The following KIAA1217 variants were observed in gnomAD, a reference collection of about 807,000 sequenced individuals.
KIAA1217 encodes the protein KIAA1217.
In KIAA1217, 88 loss-of-function variants were observed where a neutral mutation model predicts 163.9. That is an observed-to-expected ratio of 0.54 (90% CI 0.45 to 0.64). KIAA1217 has a LOEUF of 0.64. KIAA1217 is among the 30% of genes least tolerant of loss of function. The pLI is 0.00. For synonymous variants in KIAA1217, 903 were observed against 923.1 expected (o/e 0.98, Z 0.39); for missense variants, 2,372 against 2,475.0 (o/e 0.96, Z 0.88).
intron 2 of KIAA1217, among the ~76,000 whole-genome samples, chr10:24,308,003 T>G (rs1260939749): frequency 6.6e-6 from 1 of 152,182 alleles, no homozygotes; most frequent in South Asian, 2.1e-4. Context: ...TGGAGCCACA[T>G]TGAATGAACT....
intron 1 of KIAA1217, among the ~76,000 whole-genome samples, chr10:23,851,460 C>G (rs1317119341): frequency 2.0e-5 from 3 of 152,110 alleles, no homozygotes; most frequent in Admixed American, 6.5e-5. Flanking sequence ...GTGAATAGTG[C>G]CACAATAAAC....
At chr10:23,853,915 A>G (rs1170646627) in intron 1 of KIAA1217, among the ~76,000 whole-genome samples, 1 of 151,284 alleles carries the variant, frequency 6.6e-6, no homozygotes, top group Non-Finnish European at 1.5e-5. Flanking sequence ...TTTCTTCTTT[A>G]TTAGTCTTGC....
intron 2 of KIAA1217, among the ~76,000 whole-genome samples, chr10:24,355,876 C>G (rs1434166342): frequency 1.3e-4 from 20 of 150,594 alleles, no homozygotes; most frequent in Admixed American, 1.3e-3. Flanking sequence ...AGCCTCCCCA[C>G]TAGCTGGGAC....
At position 23,893,828 on chromosome 10, in the gene KIAA1217, GT is replaced by G. The variant is rs1426879851; in HGVS notation, c.-320-113395del. On this transcript the variant is annotated intron_variant, in intron 1 of 18. Transcript: ENST00000376462. ...GCTTCATCCCTGGGATGCAAGGCTG[GT>G]TCAATATACGCAAATCAATAAATGT... Among the ~76,000 whole-genome samples, 14 of 152,164 alleles carry G rather than the reference GT, an allele frequency of 9.2e-5. No homozygotes were observed. The East Asian group carries it at 2.5e-3, about 27-fold the overall frequency.
chr10:24,404,582 A>C (rs867304835), intron 3 of KIAA1217, among the ~76,000 whole-genome samples: 4 of 150,066 alleles, frequency 2.7e-5, no homozygotes, highest in Non-Finnish European at 4.4e-5. Flanking sequence ...AAAAAAAAAA[A>C]AAAAAAAAAA....
chr10:24,017,272 C>A (rs2131504152), intron 2 of KIAA1217, among the ~76,000 whole-genome samples: 1 of 152,130 alleles, frequency 6.6e-6, no homozygotes, highest in Non-Finnish European at 1.5e-5. Context: ...GTTGCCCAGG[C>A]TGGTCTGGAA....
chr10:23,929,330 T>A (rs917349533), intron 1 of KIAA1217, among the ~76,000 whole-genome samples: 14 of 152,296 alleles, frequency 9.2e-5, no homozygotes, highest in African/African-American at 2.6e-4. Context: ...TATTTTTTTT[T>A]ATTTTAGACT....
At chr10:23,754,059 T>C (rs1833790289) in intron 1 of KIAA1217, among the ~76,000 whole-genome samples, 1 of 152,202 alleles carries the variant, frequency 6.6e-6, no homozygotes, top group African/African-American at 2.4e-5. Context: ...CTGTACGCTA[T>C]TTAATGACTG....
At position 23,704,172 on chromosome 10, in the gene KIAA1217, G is replaced by GTGTGTGTATATA. The variant is rs1229370789; in HGVS notation, c.-321+8939_-321+8940insGTGTGTATATAT. Reference sequence around the variant, plus strand: ...TGTGTGTGTGTGTGTGTGTGTGTGTGTATATATATATATATATATATATAT... The same window carrying GTGTGTGTATATA: ...TGTGTGTGTGTGTGTGTGTGTGTGTGTGTGTGTATATATATATATATATATATATATATATAT... On this transcript the variant is annotated intron_variant, in intron 1 of 18. Coordinates refer to the KIAA1217 transcript ENST00000376462. Among the ~76,000 whole-genome samples, 245 of 39,880 alleles carry GTGTGTGTATATA rather than the reference G, an allele frequency of 6.1e-3. 4 individuals carry two copies. The highest frequency in any genetic ancestry group is 0.011 in the African/African-American group (81 of 7,434). 26.2% of individuals were successfully genotyped at this position (39,880 alleles called of 152,430 possible).
chr10:24,041,806 G>T (rs1402688548), intron 2 of KIAA1217, among the ~76,000 whole-genome samples: 2 of 152,112 alleles, frequency 1.3e-5, no homozygotes, highest in Non-Finnish European at 2.9e-5. Flanking sequence ...AACTGAACGT[G>T]GTATGCACTT....
intron 1 of KIAA1217, among the ~76,000 whole-genome samples, chr10:23,709,548 A>T (rs1332103153): frequency 6.6e-6 from 1 of 151,956 alleles, no homozygotes; most frequent in Admixed American, 6.6e-5. Flanking sequence ...AAAAAAAAAA[A>T]TAAAGAAATA....
chr10:24,097,683 G>A (rs1278968806), intron 2 of KIAA1217, among the ~76,000 whole-genome samples: 1 of 152,198 alleles, frequency 6.6e-6, no homozygotes, highest in East Asian at 1.9e-4. Flanking sequence ...AAATTGTCAC[G>A]GTGATGGAGA....
At chr10:23,915,518 T>C (rs1842601276) in intron 1 of KIAA1217, among the ~76,000 whole-genome samples, 1 of 152,166 alleles carries the variant, frequency 6.6e-6, no homozygotes, top group African/African-American at 2.4e-5. Flanking sequence ...GTTCACAGTA[T>C]TCTACCAACA....
At chr10:23,725,671 C>T (rs1234366309) in intron 1 of KIAA1217, among the ~76,000 whole-genome samples, 2 of 152,162 alleles carry the variant, frequency 1.3e-5, no homozygotes, top group Non-Finnish European at 2.9e-5. Context: ...CTACTGATGA[C>T]AGTGAATTCT....
chr10:23,706,785 A>G (rs1205145882), intron 1 of KIAA1217, among the ~76,000 whole-genome samples: 1 of 152,138 alleles, frequency 6.6e-6, no homozygotes, highest in Non-Finnish European at 1.5e-5. Context: ...CATTCTTAAC[A>G]CTGCTGTTCA....
intron 2 of KIAA1217, chr10:24,368,942 C>T: frequency 2.5e-6 from 2 of 795,666 alleles, no homozygotes; most frequent in South Asian, 5.8e-5. Flanking sequence ...AGTAGATATT[C>T]TGATTATTTT....
At chr10:23,762,109 T>G (rs1834285868) in intron 1 of KIAA1217, among the ~76,000 whole-genome samples, 2 of 152,112 alleles carry the variant, frequency 1.3e-5, no homozygotes, top group South Asian at 4.1e-4. Flanking sequence ...GAGGTAGTAA[T>G]TAATAGCCTA....
At chr10:24,397,318 G>A (rs918262837) in intron 3 of KIAA1217, among the ~76,000 whole-genome samples, 11 of 152,094 alleles carry the variant, frequency 7.2e-5, no homozygotes, top group Middle Eastern at 3.2e-3. Context: ...TCGAACTCCT[G>A]ACCTCGCGAT....
intron 3 of KIAA1217, among the ~76,000 whole-genome samples, chr10:24,429,581 A>T (rs2059428998): frequency 6.6e-6 from 1 of 152,012 alleles, no homozygotes; most frequent in East Asian, 1.9e-4. Context: ...CTGAATTTTA[A>T]AATTCTGCTC....
Sources: gnomAD v4.1 joint callset for allele counts (sites outside exome capture counted in the v4.1 genomes callset) on GRCh38, gnomAD v4.1.1 for gene constraint, MANE v1.5 for transcripts, NCBI Gene and HGNC (gene_info 2026-07-23, HGNC 2026-07-21) for gene names.